DPP6: variants seen among roughly 807,000 people sequenced by gnomAD.
DPP6 encodes the protein dipeptidyl peptidase like 6, also known as A-type potassium channel modulatory protein DPP6.
In DPP6, 69 loss-of-function variants were observed where a neutral mutation model predicts 122.6. That is an observed-to-expected ratio of 0.56 (90% CI 0.46 to 0.69). The LOEUF (loss-of-function observed/expected upper bound fraction) is 0.69. DPP6 is among the 30% of genes least tolerant of loss of function. The pLI is 0.00. For missense variants in DPP6, 928 were observed against 1,116.9 expected (o/e 0.83, Z 2.41); for synonymous variants, 418 against 433.1 (o/e 0.97, Z 0.43).
At chr7:154,846,575 T>C (rs1399661714) in intron 16 of DPP6, among the ~76,000 whole-genome samples, 41 of 152,174 alleles carry the variant, frequency 2.7e-4, no homozygotes, top group Admixed American at 2.7e-3. Context: ...TATAAAACCT[T>C]TTTGAAACAG....
rs956259470 is a variant in DPP6 at position 153,973,001 on chromosome 7, C to T, written c.51+85267C>T. Among the ~76,000 whole-genome samples the T allele has an allele frequency of 1.6e-4, 24 of 151,740 alleles. No homozygotes were observed. The South Asian group carries it at 3.3e-3, about 21-fold the overall frequency. Reference sequence around the variant, plus strand: ...TAGTCTAAAAGTGGGTTAGATGTAACGGTGCCTTTAGAAATTAGGTCTTGT... The same window carrying T: ...TAGTCTAAAAGTGGGTTAGATGTAATGGTGCCTTTAGAAATTAGGTCTTGT... On this transcript the variant is annotated intron_variant, in intron 1 of 25. Coordinates refer to the DPP6 transcript ENST00000404039.
intron 1 of DPP6, among the ~76,000 whole-genome samples, chr7:153,999,975 A>G (rs1435166259): frequency 1.3e-5 from 2 of 150,510 alleles, no homozygotes; most frequent in Admixed American, 6.6e-5. Flanking sequence ...AAAGAAAGAA[A>G]GAAAGAAAAA....
chr7:153,749,145 A>AGGGGTC, the DPP6 span, among the ~76,000 whole-genome samples: 1 of 152,082 alleles, frequency 6.6e-6, no homozygotes, highest in Non-Finnish European at 1.5e-5. This position sits in a 1 kb window ranked among gnomAD's most constrained non-coding sequence, Gnocchi z 4.1. Context: ...CATGCCTTGC[A>AGGGGTC]GGGGTCGGTG....
intron 1 of DPP6, among the ~76,000 whole-genome samples, chr7:154,202,719 C>G (rs1471233509): frequency 6.6e-6 from 1 of 152,190 alleles, no homozygotes; most frequent in Non-Finnish European, 1.5e-5. Flanking sequence ...CAGGGCCCCT[C>G]CATTCCCCAG....
chr7:154,350,811 C>T (rs1370272337), intron 1 of DPP6, among the ~76,000 whole-genome samples: 8 of 152,286 alleles, frequency 5.3e-5, no homozygotes, highest in Admixed American at 4.6e-4. Context: ...ACCTCAAATC[C>T]GCCTCTCTGA....
chr7:153,859,564 C>T, the DPP6 span, among the ~76,000 whole-genome samples: 1 of 152,082 alleles, frequency 6.6e-6, no homozygotes, highest in Non-Finnish European at 1.5e-5. Flanking sequence ...GCTGGCTTTG[C>T]CAGAGCAACT....
In DPP6 at chr7:154,872,177, CCT is replaced by C. The variant is rs945375888; in HGVS notation, c.1814-446_1814-445del. On this transcript the variant is annotated intron_variant, in intron 18 of 25. Coordinates refer to ENST00000377770, the MANE Select transcript of DPP6 (RefSeq NM_130797.4). ...GCACCCTCTCCCCTCTAGGCGGCCC[CCT>C]GTCTCCCCTGACCCTCTATCTCTTC... Among the ~76,000 whole-genome samples, 8 of 152,296 alleles carry C rather than the reference CCT, an allele frequency of 5.3e-5. No individual in the cohort carries two copies. In the East Asian group the frequency reaches 5.8e-4, roughly 11 times the overall value.
intron 7 of DPP6, among the ~76,000 whole-genome samples, chr7:154,719,100 A>G (rs1213108837): frequency 6.6e-6 from 1 of 151,950 alleles, no homozygotes; most frequent in Non-Finnish European, 1.5e-5. Flanking sequence ...GTTGTGAATC[A>G]GAGAGTGGTA....
chr7:154,869,305 C>G (rs1804172845), intron 18 of DPP6, among the ~76,000 whole-genome samples: 1 of 152,216 alleles, frequency 6.6e-6, no homozygotes, highest in Non-Finnish European at 1.5e-5. Context: ...ACAGACTCAG[C>G]TCCCAAGAGC....
At chr7:154,666,409 A>G (rs1220034107) in intron 6 of DPP6, among the ~76,000 whole-genome samples, 1 of 152,036 alleles carries the variant, frequency 6.6e-6, no homozygotes, top group Non-Finnish European at 1.5e-5. Context: ...ACAGGGTACA[A>G]TATGATATTT....
intron 4 of DPP6, among the ~76,000 whole-genome samples, chr7:154,563,952 TG>T (rs2130503701): frequency 6.6e-6 from 1 of 152,114 alleles, no homozygotes; most frequent in South Asian, 2.1e-4. Context: ...ACCTAGGAAG[TG>T]AGGAGATCCA....
intron 2 of DPP6, among the ~76,000 whole-genome samples, chr7:154,468,937 A>G (rs1416944964): frequency 6.6e-6 from 1 of 152,218 alleles, no homozygotes; most frequent in Non-Finnish European, 1.5e-5. Context: ...ATACTTTAGT[A>G]ACACAAAGAC....
At chr7:154,334,292 A>G (rs575057643) in intron 1 of DPP6, among the ~76,000 whole-genome samples, 1 of 152,264 alleles carries the variant, frequency 6.6e-6, no homozygotes, top group South Asian at 2.1e-4. Context: ...TTCATATTAT[A>G]TCTTCTAGAA....
intron 1 of DPP6, among the ~76,000 whole-genome samples, chr7:153,922,439 C>T (rs1449448810): frequency 1.3e-5 from 2 of 152,152 alleles, no homozygotes; most frequent in Non-Finnish European, 2.9e-5. Flanking sequence ...GTCAAGGCTG[C>T]AGTGAGCCGT....
At chr7:154,824,542 G>GTGC (rs1054919519) in intron 16 of DPP6, among the ~76,000 whole-genome samples, 2 of 152,214 alleles carry the variant, frequency 1.3e-5, no homozygotes, top group Non-Finnish European at 2.9e-5. Context: ...GCCTCCCAGA[G>GTGC]TGCTGGGATT....
At chr7:153,957,286 G>A (rs1441822139) in intron 1 of DPP6, among the ~76,000 whole-genome samples, 1 of 152,178 alleles carries the variant, frequency 6.6e-6, no homozygotes, top group African/African-American at 2.4e-5. Flanking sequence ...ACCTGCTCTT[G>A]CACTCCGAAC....
chr7:153,817,754 C>T, the DPP6 span, among the ~76,000 whole-genome samples: 3 of 109,894 alleles, frequency 2.7e-5, no homozygotes, highest in African/African-American at 3.8e-5. Context: ...CATCACACAC[C>T]AGGGCCTGTC....
intron 1 of DPP6, among the ~76,000 whole-genome samples, chr7:154,367,964 G>A (rs1363991067): frequency 1.3e-5 from 2 of 152,012 alleles, no homozygotes; most frequent in Non-Finnish European, 1.5e-5. Flanking sequence ...CTGCCACCAC[G>A]CCCAACTGAT....
At chr7:154,417,595 C>A (rs1285485278) in intron 1 of DPP6, among the ~76,000 whole-genome samples, 1 of 152,124 alleles carries the variant, frequency 6.6e-6, no homozygotes, top group Non-Finnish European at 1.5e-5. Flanking sequence ...GATGGCTTCA[C>A]CTTCTTTACT....
Sources: gnomAD v4.1 joint callset for allele counts (sites outside exome capture counted in the v4.1 genomes callset) on GRCh38, gnomAD v4.1.1 for gene constraint, Gnocchi (gnomAD v3.1) non-coding constraint, MANE v1.5 for transcripts, NCBI Gene and HGNC (gene_info 2026-07-23, HGNC 2026-07-21) for gene names.